Variants in USP15 observed in about 807,000 individuals in gnomAD.
USP15 encodes ubiquitin carboxyl-terminal hydrolase 15.
A neutral mutation model predicts 127.1 loss-of-function variants in USP15; 18 were observed. The observed-to-expected ratio is 0.14, with a 90% CI of 0.10 to 0.21. USP15 has a LOEUF of 0.21. USP15 is among the 10% of genes least tolerant of loss of function. USP15 has a pLI of 1.00. For missense variants in USP15, 805 were observed against 1,159.9 expected, an observed-to-expected ratio of 0.69 and a Z score of 4.44; for synonymous variants, 364 against 393.7, an observed-to-expected ratio of 0.92 and a Z score of 0.89.
chr12:62,335,152 T>C (rs970583066), intron 6 of USP15: 2 of 1,535,410 alleles, frequency 1.3e-6, no homozygotes, highest in African/African-American at 2.7e-5. Flanking sequence ...CACTTTTTTT[T>C]CTCCTTTTTC....
chr12:62,330,167 A>G (rs1283676218), intron 6 of USP15, among the ~76,000 whole-genome samples: 3 of 152,196 alleles, frequency 2.0e-5, no homozygotes, highest in Non-Finnish European at 4.4e-5. Flanking sequence ...ATCGGAGTAG[A>G]GATAATAGGA....
intron 1 of USP15, among the ~76,000 whole-genome samples, chr12:62,279,841 C>T (rs1181349763): frequency 6.6e-6 from 1 of 152,060 alleles, no homozygotes; most frequent in Non-Finnish European, 1.5e-5. Flanking sequence ...TAGAATAGTC[C>T]ATCTTTGCCT....
At chr12:62,281,373 A>G (rs780417751) in intron 1 of USP15, among the ~76,000 whole-genome samples, 19 of 151,994 alleles carry the variant, frequency 1.3e-4, no homozygotes, top group African/African-American at 2.7e-4. Context: ...ATCTTGCTCT[A>G]TTGCCCAGGC....
At chr12:62,334,443 A>G (rs1487085012) in intron 6 of USP15, among the ~76,000 whole-genome samples, 1 of 152,234 alleles carries the variant, frequency 6.6e-6, no homozygotes, top group Non-Finnish European at 1.5e-5. Context: ...ATTTATATAT[A>G]GTATAAATCT....
chr12:62,353,732 A>G (rs970709978), intron 7 of USP15, among the ~76,000 whole-genome samples: 7 of 152,066 alleles, frequency 4.6e-5, no homozygotes, highest in Non-Finnish European at 2.9e-5. Context: ...GTTAGATTCA[A>G]TAATCCAATT....
At chr12:62,264,296 T>C (rs759703486) in intron 1 of USP15, among the ~76,000 whole-genome samples, 1 of 152,194 alleles carries the variant, frequency 6.6e-6, no homozygotes, top group Non-Finnish European at 1.5e-5. Flanking sequence ...GGCCTGGAAA[T>C]TTTTAAAGAA....
chr12:62,383,597 A>G (rs1280262555), intron 9 of USP15, among the ~76,000 whole-genome samples: 1 of 151,996 alleles, frequency 6.6e-6, no homozygotes, highest in Non-Finnish European at 1.5e-5. Flanking sequence ...AGCTGAAACA[A>G]CAAGCCAAAG....
chr12:62,266,886 C>G (rs2063204540), intron 1 of USP15, among the ~76,000 whole-genome samples: 2 of 152,054 alleles, frequency 1.3e-5, no homozygotes, highest in South Asian at 4.1e-4. Flanking sequence ...AGTACATGCT[C>G]TTATTACACT....
intron 8 of USP15, among the ~76,000 whole-genome samples, chr12:62,358,718 A>AAAAT (rs1301152654): frequency 2.2e-4 from 34 of 152,218 alleles, no homozygotes; most frequent in African/African-American, 8.2e-4. Context: ...CTCCATCTCA[A>AAAAT]AAATAAATAA....
rs982962253 is a variant in USP15 at position 62,411,109 on chromosome 12, A to C, written c.*6734A>C. 6.6e-6 allele frequency: 1 copy of C among 152,154 alleles called. No homozygotes were observed. The highest frequency in any genetic ancestry group is 1.5e-5 in the Non-Finnish European group (1 of 68,028). 9.4% of individuals were successfully genotyped at this position (152,154 alleles called of 1,614,324 possible). ...TTTGTGTTTTTAGCTGCTAAGCTTT[A>C]ATTTGTTTATGCAGAAATAAGGGAA... On this transcript the variant is annotated 3_prime_UTR_variant, in exon 22 of 22. Coordinates refer to ENST00000280377, the MANE Select transcript of USP15 (RefSeq NM_001252078.2).
chr12:62,301,208 G>A (rs2064307419), intron 2 of USP15, among the ~76,000 whole-genome samples: 1 of 152,088 alleles, frequency 6.6e-6, no homozygotes, highest in African/African-American at 2.4e-5. Context: ...AGATTGTAGA[G>A]GAAGTAGAAC....
At chr12:62,302,058 G>A (rs1044136537) in intron 2 of USP15, among the ~76,000 whole-genome samples, 11 of 152,144 alleles carry the variant, frequency 7.2e-5, no homozygotes, top group African/African-American at 2.4e-4. Flanking sequence ...TTTGAAAGTG[G>A]ACTGTGAATT....
chr12:62,320,977 C>G (rs1192194749), intron 4 of USP15, among the ~76,000 whole-genome samples: 1 of 152,016 alleles, frequency 6.6e-6, no homozygotes, highest in South Asian at 2.1e-4. Flanking sequence ...TCCCTTCAAA[C>G]AAGGCACTTT....
intron 4 of USP15, among the ~76,000 whole-genome samples, chr12:62,316,755 G>A (rs1286340583): frequency 6.6e-6 from 1 of 152,000 alleles, no homozygotes; most frequent in African/African-American, 2.4e-5. Flanking sequence ...AGGAAAATCA[G>A]CAACTGATTT....
At chr12:62,364,514 G>GTATT (rs536301733) in intron 8 of USP15, among the ~76,000 whole-genome samples, 10 of 151,940 alleles carry the variant, frequency 6.6e-5, no homozygotes, top group African/African-American at 2.4e-4. Flanking sequence ...TTTCTTGTTT[G>GTATT]TATTTATTTA....
chr12:62,344,522 G>A (rs193052103), intron 6 of USP15, among the ~76,000 whole-genome samples: 26 of 152,306 alleles, frequency 1.7e-4, no homozygotes, highest in Non-Finnish European at 2.5e-4. Flanking sequence ...GGTGCACAGT[G>A]CAAGCTGTCA....
At chr12:62,300,643 G>A (rs186531065) in intron 2 of USP15, among the ~76,000 whole-genome samples, 13 of 152,196 alleles carry the variant, frequency 8.5e-5, no homozygotes, top group Admixed American at 5.2e-4. Flanking sequence ...AGGTAAAAGA[G>A]GAATTCACTG....
chr12:62,376,290 A>C (rs550994765), intron 8 of USP15, among the ~76,000 whole-genome samples: 1 of 152,234 alleles, frequency 6.6e-6, no homozygotes, highest in South Asian at 2.1e-4. Flanking sequence ...TTTCATTAAA[A>C]ATTGGAACTA....
chr12:62,278,535 A>G (rs1219186771), intron 1 of USP15: 1 of 152,146 alleles, frequency 6.6e-6, no homozygotes, highest in Non-Finnish European at 1.5e-5. Context: ...CAACATCACA[A>G]TGGCTACATC....
Sources: allele counts gnomAD v4.1 joint callset (sites outside exome capture counted in the v4.1 genomes callset), GRCh38; gene constraint gnomAD v4.1.1; transcripts MANE v1.5; gene names NCBI Gene and HGNC (gene_info 2026-07-23, HGNC 2026-07-21).